Variants in CABIN1 observed in about 807,000 individuals in gnomAD.
CABIN1 encodes the protein calcineurin-binding protein cabin-1.
A neutral mutation model predicts 227.7 loss-of-function variants in CABIN1; 133 were observed. That is an observed-to-expected ratio of 0.58 (90% CI 0.51 to 0.67). CABIN1 has a LOEUF of 0.67. Among genes scored for constraint, CABIN1 ranks in the 30% least tolerant of loss-of-function variants. CABIN1 has a pLI of 0.00. For synonymous variants in CABIN1, 1,086 were observed against 1,155.1 expected, an observed-to-expected ratio of 0.94 and a Z score of 1.21; for missense variants, 2,408 against 2,852.5, an observed-to-expected ratio of 0.84 and a Z score of 3.55.
At chr22:24,015,384 G>C (rs985062724) in intron 1 of CABIN1, among the ~76,000 whole-genome samples, 1 of 126,374 alleles carries the variant, frequency 7.9e-6, no homozygotes, top group Non-Finnish European at 1.6e-5. Flanking sequence ...TCGCTCTTTT[G>C]CCCAGGCCTG....
chr22:24,018,097 C>T (rs2146488272), intron 1 of CABIN1, among the ~76,000 whole-genome samples: 1 of 152,078 alleles, frequency 6.6e-6, no homozygotes, highest in African/African-American at 2.4e-5. Context: ...TCAAGCAATC[C>T]TTTCACCTCG....
chr22:24,064,908 G>T (rs1438704673), intron 15 of CABIN1, among the ~76,000 whole-genome samples: 1 of 152,030 alleles, frequency 6.6e-6, no homozygotes, highest in Non-Finnish European at 1.5e-5. Context: ...AGTCTCCCAT[G>T]TCTACTTCTT....
In CABIN1 at chr22:24,115,933, A is replaced by G. The variant is rs1023587496; in HGVS notation, c.4300+2185A>G. Among the ~76,000 whole-genome samples, 5 of 152,328 alleles carry G rather than the reference A, an allele frequency of 3.3e-5. No individual in the cohort carries two copies. The South Asian group carries it at 8.3e-4, about 25-fold the overall frequency. On this transcript the variant is annotated intron_variant, in intron 27 of 36. Transcript: ENST00000263119. ...CAGGGCACAACAGGTCCAGATCTGC[A>G]CCATGCACTGGGTACCGAGGGAAAG...
chr22:24,163,587 C>T (rs2046278734), intron 29 of CABIN1, among the ~76,000 whole-genome samples: 1 of 152,192 alleles, frequency 6.6e-6, no homozygotes, highest in South Asian at 2.1e-4. Flanking sequence ...GGAGCCAGTT[C>T]ACTTATTCCA....
At position 24,113,590 on chromosome 22, in the gene CABIN1, T is replaced by C. The variant is rs773557734; in HGVS notation, c.4142T>C (p.Val1381Ala). 3 of 1,614,140 alleles carry C rather than the reference T, an allele frequency of 1.9e-6. No individual in the cohort carries two copies. The highest frequency in any genetic ancestry group is 2.5e-6 in the Non-Finnish European group (3 of 1,180,026). The change falls in exon 27 of 37, where the codon GTA becomes GCA. Residue 1381 changes from valine to alanine, a missense_variant. By Grantham distance (64) the Val-to-Ala change is moderately conservative (BLOSUM62 0). Coordinates refer to ENST00000263119, the MANE Select transcript of CABIN1 (RefSeq NM_012295.4). The part of the protein sequence containing the change: ...PDDRSQDSTA[V>A]ALSDSSSTQD... ...GACCGAAGCCAGGACAGCACAGCCG[T>C]AGCACTCTCAGACTCTAGCTCAACG...
At chr22:24,019,123 T>TG (rs1298146387) in intron 1 of CABIN1, among the ~76,000 whole-genome samples, 1 of 100,260 alleles carries the variant, frequency 1.0e-5, no homozygotes, top group Non-Finnish European at 2.1e-5. Flanking sequence ...GAGTGTTGTT[T>TG]TTTTTTTTTT....
intron 24 of CABIN1, among the ~76,000 whole-genome samples, chr22:24,092,449 C>A (rs979909834): frequency 2.0e-5 from 3 of 152,124 alleles, no homozygotes; most frequent in African/African-American, 7.2e-5. Flanking sequence ...TGGGCAGCCA[C>A]GATTGTCAAT....
At chr22:24,114,613 A>ACCTC (rs1569235702) in intron 27 of CABIN1, among the ~76,000 whole-genome samples, 1 of 152,026 alleles carries the variant, frequency 6.6e-6, no homozygotes, top group South Asian at 2.1e-4. Context: ...ACCCCACGCT[A>ACCTC]CCTCTCCGGG....
At chr22:24,065,411 G>A (rs1400188574) in intron 15 of CABIN1, among the ~76,000 whole-genome samples, 9 of 151,510 alleles carry the variant, frequency 5.9e-5, no homozygotes, top group Admixed American at 2.0e-4. Flanking sequence ...CAGATGGGGC[G>A]GCGGGGCAGA....
chr22:24,142,927 G>A (rs1212113636), intron 29 of CABIN1, among the ~76,000 whole-genome samples: 1 of 152,042 alleles, frequency 6.6e-6, no homozygotes, highest in Non-Finnish European at 1.5e-5. Context: ...AGGACCAGTT[G>A]TGACCAATTT....
At chr22:24,047,650 T>C (rs1467179249) in intron 6 of CABIN1, among the ~76,000 whole-genome samples, 1 of 152,220 alleles carries the variant, frequency 6.6e-6, no homozygotes, top group East Asian at 1.9e-4. Flanking sequence ...CTGCTGAGCA[T>C]TGTGGCCAGT....
chr22:24,166,877 A>G lies in CABIN1; in HGVS notation c.5246A>G (p.Asp1749Gly), dbSNP rs2046477053. The change falls in exon 32 of 37, where the codon GAT becomes GGT. Residue 1749 changes from aspartate (D) to glycine (G), a missense_variant. This residue lies in a region of CABIN1 where 714 missense variants were observed against 773.8 expected (regional missense o/e 0.92). Transcript: ENST00000263119. ...GCAGACCAAAGCGGGGAGCGGAAGG[A>G]TAAAGAGAGCCCACGGGCAGGGCCC... is the stretch of plus-strand genomic sequence containing the variant. ...DSADQSGERK[D>G]KESPRAGPTE... 10 of 1,611,566 alleles carry G rather than the reference A, an allele frequency of 6.2e-6. No homozygotes were observed. In the South Asian group the frequency reaches 1.1e-4, roughly 18 times the overall value.
chr22:24,045,988 G>A (rs887850584), intron 6 of CABIN1, among the ~76,000 whole-genome samples: 1 of 152,218 alleles, frequency 6.6e-6, no homozygotes, highest in African/African-American at 2.4e-5. Flanking sequence ...TACAGAACAT[G>A]TGCAGCGCCC....
intron 1 of CABIN1, among the ~76,000 whole-genome samples, chr22:24,028,324 T>C (rs546042158): frequency 6.6e-6 from 1 of 152,282 alleles, no homozygotes; most frequent in African/African-American, 2.4e-5. Context: ...AAATGAAGTG[T>C]GTCAAAAAAA....
In CABIN1 at chr22:24,084,998, C is replaced by G. The variant is rs755465170; in HGVS notation, c.3118-8C>G. The G allele has an allele frequency of 6.2e-7, 1 of 1,614,234 alleles. No individual in the cohort carries two copies. Among genetic ancestry groups the G allele is most frequent in the South Asian group, 1.1e-5 (1 of 91,088 alleles). On this transcript the variant is annotated splice_polypyrimidine_tract_variant and splice_region_variant and intron_variant, in intron 21 of 36. Coordinates refer to ENST00000263119, the MANE Select transcript of CABIN1 (RefSeq NM_012295.4). ...ACCTCCCCTCATACTTTTCCTCTCA[C>G]CTGCCAGGTACCCTGCCTCCCAGAG...
At chr22:24,112,524 G>A (rs971475447) in intron 26 of CABIN1, among the ~76,000 whole-genome samples, 6 of 152,120 alleles carry the variant, frequency 3.9e-5, no homozygotes, top group Non-Finnish European at 4.4e-5. Flanking sequence ...ACTCCTCCAT[G>A]TTCTTGCCTT....
At chr22:24,149,852 C>A (rs533987886) in intron 29 of CABIN1, among the ~76,000 whole-genome samples, 22 of 152,358 alleles carry the variant, frequency 1.4e-4, no homozygotes, top group Admixed American at 2.6e-4. Context: ...AGCTTTATTT[C>A]CAGGGAGGAG....
chr22:24,067,127 C>T lies in CABIN1; in HGVS notation c.2178C>T (p.His726=), dbSNP rs1262634219. 4 of 1,614,240 alleles carry T rather than the reference C, an allele frequency of 2.5e-6. No homozygotes were observed. Among genetic ancestry groups the T allele is most frequent in the Non-Finnish European group, 2.5e-6 (3 of 1,180,048 alleles). ...LCTSGFDRAK[H]LEFMTSIPER... ...CCAGTGGGTTTGACCGGGCCAAACA[C>T]CTGGAGTTTATGACTTCCATTCCTG... Residue 726 remains histidine (H), a synonymous_variant, in exon 16 of 37, where the codon CAC becomes CAT. Transcript: ENST00000263119.
chr22:24,014,919 A>G (rs2035129220), intron 1 of CABIN1, among the ~76,000 whole-genome samples: 1 of 151,956 alleles, frequency 6.6e-6, no homozygotes, highest in Admixed American at 6.6e-5. Context: ...CTTCTTTCTT[A>G]TACGAAGGTG....
Sources: gnomAD v4.1 joint callset for allele counts (sites outside exome capture counted in the v4.1 genomes callset) on GRCh38, gnomAD v4.1.1 for gene constraint, gnomAD v4.1.1 regional missense constraint, MANE v1.5 for transcripts, NCBI Gene and HGNC (gene_info 2026-07-23, HGNC 2026-07-21) for gene names.